Variants in ANTXR1 observed in about 807,000 individuals in gnomAD.
ANTXR1 encodes ANTXR cell adhesion molecule 1.
A neutral mutation model predicts 78.1 loss-of-function variants in ANTXR1; 19 were observed. The ratio of observed to expected loss-of-function variants is 0.24; its 90% CI spans 0.17 to 0.36. ANTXR1 has a LOEUF of 0.36. ANTXR1 is among the 10% of genes least tolerant of loss of function. The pLI is 1.00. For synonymous variants in ANTXR1, 273 were observed against 260.5 expected (o/e 1.05, Z -0.46); for missense variants, 518 against 718.6 (o/e 0.72, Z 3.19).
At chr2:69,111,240 G>A (rs189208478) in intron 10 of ANTXR1, among the ~76,000 whole-genome samples, 132 of 152,292 alleles carry the variant, frequency 8.7e-4, no homozygotes, top group Non-Finnish European at 6.0e-4. Context: ...TACTCTGGCC[G>A]CACTTTTTCC....
intron 1 of ANTXR1, among the ~76,000 whole-genome samples, chr2:69,039,125 C>T: frequency 6.6e-6 from 1 of 152,086 alleles, no homozygotes; most frequent in East Asian, 1.9e-4. Context: ...GAATGGCAAG[C>T]AGAAATGCAG....
chr2:69,048,748 G>A lies in ANTXR1; in HGVS notation c.296+3935G>A, dbSNP rs1490527166. Among the ~76,000 whole-genome samples, 5 of 152,060 alleles carry A rather than the reference G, an allele frequency of 3.3e-5. No individual in the cohort carries two copies. In the East Asian group the frequency reaches 9.6e-4, roughly 29 times the overall value. On this transcript the variant is annotated intron_variant, in intron 3 of 17. Coordinates refer to ENST00000303714, the MANE Select transcript of ANTXR1 (RefSeq NM_032208.3). Reference sequence around the variant, plus strand: ...TTTTAATTAGTTTTAACATCTGGAGGACCAATCTATCCTCATTTCTAATCT... The same window carrying A: ...TTTTAATTAGTTTTAACATCTGGAGAACCAATCTATCCTCATTTCTAATCT...
In ANTXR1 at chr2:69,109,406, C is replaced by T. The variant is rs186826756; in HGVS notation, c.802+6466C>T. 2.0e-5 allele frequency among the ~76,000 whole-genome samples: 3 copies of T among 152,224 alleles called. No individual in the cohort carries two copies. The East Asian group carries it at 5.8e-4, about 29-fold the overall frequency. ...AAGTTTATGTGGAAGAATAAACACA[C>T]AAGAATAGCCAAGAAAAATGTGGAA... On this transcript the variant is annotated intron_variant, in intron 10 of 17. Transcript: ENST00000303714.
At position 69,077,499 on chromosome 2, in the gene ANTXR1, C is replaced by T. The variant is rs775507014; in HGVS notation, c.642+11C>T. 3.8e-5 allele frequency: 62 copies of T among 1,613,836 alleles called. No individual in the cohort carries two copies. The highest frequency in any genetic ancestry group is 4.7e-5 in the Non-Finnish European group (56 of 1,179,858). ...GGCATCATCCACTCAGTAAGTAGAG[C>T]TCTTCCTCTGAGACTAGACATTCAG... On this transcript the variant is annotated intron_variant, in intron 8 of 17. Transcript: ENST00000303714.
chr2:69,116,242 C>T (rs1672139912), intron 10 of ANTXR1, among the ~76,000 whole-genome samples: 1 of 152,178 alleles, frequency 6.6e-6, no homozygotes, highest in Admixed American at 6.5e-5. Context: ...AATAAGACCC[C>T]CCTAACACAC....
intron 17 of ANTXR1, among the ~76,000 whole-genome samples, chr2:69,199,700 G>A (rs1328050109): frequency 6.6e-6 from 1 of 152,060 alleles, no homozygotes; most frequent in Admixed American, 6.5e-5. Flanking sequence ...ATGAGGTCTG[G>A]GCACTTATAG....
rs58063752 is a variant in ANTXR1 at position 69,065,420 on chromosome 2, G to A, written c.297-5227G>A. Among the ~76,000 whole-genome samples the A allele has an allele frequency of 9.5e-3, 705 of 74,426 alleles. 12 individuals are homozygous for A. In the African/African-American group the frequency reaches 0.14, roughly 15 times the overall value. The allele number at this position is 74,426 out of a possible 152,430, so 48.8% of individuals were successfully genotyped here. Reference sequence around the variant, plus strand: ...AGCCTGGGTGACAAAGCAAGACTCCGTCTCAAAAAAAAAAAAAAAAAAGTG... The same window carrying A: ...AGCCTGGGTGACAAAGCAAGACTCCATCTCAAAAAAAAAAAAAAAAAAGTG... On this transcript the variant is annotated intron_variant, in intron 3 of 17. Coordinates refer to ENST00000303714, the MANE Select transcript of ANTXR1 (RefSeq NM_032208.3).
At chr2:69,152,089 T>C in intron 12 of ANTXR1, 80 bp from the exon 13 acceptor site, 1 of 1,362,082 alleles carries the variant, frequency 7.3e-7, no homozygotes, top group Non-Finnish European at 1.0e-6. Flanking sequence ...TAAATCTGCA[T>C]ATCAGTGATG....
chr2:69,199,805 A>G (rs1674733872), intron 17 of ANTXR1, among the ~76,000 whole-genome samples: 1 of 152,124 alleles, frequency 6.6e-6, no homozygotes, highest in African/African-American at 2.4e-5. Context: ...TTTTTCACTC[A>G]GGGCAGCATC....
intron 17 of ANTXR1, among the ~76,000 whole-genome samples, chr2:69,209,246 A>T (rs1372277728): frequency 1.3e-5 from 2 of 152,250 alleles, no homozygotes; most frequent in African/African-American, 2.4e-5. Flanking sequence ...CTTTACAAAA[A>T]GGAACCTGAG....
In ANTXR1 at chr2:69,249,307, AT is replaced by A. The variant is rs1676089367; in HGVS notation, c.*3823del. On this transcript the variant is annotated 3_prime_UTR_variant, in exon 18 of 18. Coordinates refer to ENST00000303714, the MANE Select transcript of ANTXR1 (RefSeq NM_032208.3). ...CCTGGAAGTTGCTTTTTTAAAAAAA[AT>A]AATAAATTTCTTAAATCAACTCTTT... 6.6e-6 allele frequency: 1 copy of A among 152,252 alleles called. No individual in the cohort carries two copies. The highest frequency in any genetic ancestry group is 1.5e-5 in the Non-Finnish European group (1 of 68,054). 9.4% of individuals were successfully genotyped at this position (152,252 alleles called of 1,614,324 possible). A position where few individuals can be genotyped will look rare whatever the true frequency, so the allele number is the denominator to read the frequency against.
chr2:69,052,732 T>G (rs1235332543), intron 3 of ANTXR1, among the ~76,000 whole-genome samples: 1 of 152,290 alleles, frequency 6.6e-6, no homozygotes, highest in African/African-American at 2.4e-5. Context: ...ATTCGATTCT[T>G]GAATCTATCC....
chr2:69,051,384 T>C (rs1669930045), intron 3 of ANTXR1, among the ~76,000 whole-genome samples: 2 of 152,156 alleles, frequency 1.3e-5, no homozygotes, highest in Non-Finnish European at 2.9e-5. Flanking sequence ...ATTTTATACA[T>C]TTTGACATGT....
At chr2:69,096,918 A>T (rs1671450888) in intron 9 of ANTXR1, among the ~76,000 whole-genome samples, 1 of 152,210 alleles carries the variant, frequency 6.6e-6, no homozygotes. Flanking sequence ...CATGGTGCTT[A>T]TGTCACTGTA....
chr2:69,029,265 T>A (rs1671452402), intron 1 of ANTXR1, among the ~76,000 whole-genome samples: 1 of 150,178 alleles, frequency 6.7e-6, no homozygotes, highest in African/African-American at 2.4e-5. Flanking sequence ...GAAAAGTAGG[T>A]CAAAGACTAG....
At chr2:69,181,721 T>A in intron 14 of ANTXR1, 65 bp from the exon 15 acceptor site, 1 of 1,462,512 alleles carries the variant, frequency 6.8e-7, no homozygotes, top group East Asian at 2.3e-5. Flanking sequence ...ATCACTTGGC[T>A]GTAGTAGGCA....
At chr2:69,035,164 G>A (rs994295588) in intron 1 of ANTXR1, among the ~76,000 whole-genome samples, 4 of 152,096 alleles carry the variant, frequency 2.6e-5, no homozygotes, top group Admixed American at 6.5e-5. Context: ...AGCGGGGGGC[G>A]GGGTGGGGGT....
At chr2:69,110,734 C>T (rs1343082694) in intron 10 of ANTXR1, among the ~76,000 whole-genome samples, 8 of 152,000 alleles carry the variant, frequency 5.3e-5, no homozygotes, top group Admixed American at 4.6e-4. Context: ...TGGTGGTGCG[C>T]ACCTGTAGTC....
intron 13 of ANTXR1, among the ~76,000 whole-genome samples, chr2:69,168,154 C>CCA (rs1323749824): frequency 6.6e-6 from 1 of 152,180 alleles, no homozygotes; most frequent in African/African-American, 2.4e-5. Context: ...TGTCTGGAAG[C>CCA]CACCATGCAA....
Sources: allele counts gnomAD v4.1 joint callset (sites outside exome capture counted in the v4.1 genomes callset), GRCh38; gene constraint gnomAD v4.1.1; transcripts MANE v1.5; gene names NCBI Gene and HGNC (gene_info 2026-07-23, HGNC 2026-07-21).